SUZ12: variants seen among roughly 807,000 people sequenced by gnomAD.
SUZ12 encodes the protein polycomb protein SUZ12.
A neutral mutation model predicts 87.3 loss-of-function variants in SUZ12; 17 were observed. The observed-to-expected ratio is 0.19, with a 90% CI of 0.13 to 0.29. SUZ12 has a LOEUF of 0.29. Among genes scored for constraint, SUZ12 ranks in the 10% least tolerant of loss-of-function variants. The pLI, the probability that SUZ12 is intolerant of heterozygous loss-of-function variation, is 1.00. For synonymous variants in SUZ12, 253 were observed against 312.4 expected (o/e 0.81, Z 2.01); for missense variants, 526 against 912.2 (o/e 0.58, Z 5.45).
chr17:31,974,841 G>A (rs934904071), intron 6 of SUZ12, among the ~76,000 whole-genome samples: 1 of 152,012 alleles, frequency 6.6e-6, no homozygotes, highest in African/African-American at 2.4e-5. Flanking sequence ...GATCCTTCCA[G>A]TTTTTCTAGT....
intron 4 of SUZ12, among the ~76,000 whole-genome samples, chr17:31,958,448 C>T (rs985097404): frequency 4.6e-5 from 7 of 152,316 alleles, no homozygotes; most frequent in South Asian, 2.1e-4. Context: ...TGGTGACTCA[C>T]GCCTGTATCC....
At chr17:31,938,615 T>A (rs554736120) in intron 1 of SUZ12, among the ~76,000 whole-genome samples, 2 of 152,360 alleles carry the variant, frequency 1.3e-5, no homozygotes, top group East Asian at 3.8e-4. Flanking sequence ...TATTCACGTA[T>A]TTCTTAGTAT....
intron 3 of SUZ12, among the ~76,000 whole-genome samples, chr17:31,944,190 G>T (rs1906475931): frequency 6.6e-6 from 1 of 151,714 alleles, no homozygotes; most frequent in Non-Finnish European, 1.5e-5. Flanking sequence ...GTGCAATGGT[G>T]CAATCTTGGC....
intron 4 of SUZ12, chr17:31,965,932 T>G: frequency 2.6e-6 from 1 of 391,708 alleles, no homozygotes; most frequent in Non-Finnish European, 4.6e-6. Context: ...TTGTGAGGGG[T>G]TTTTTGTTGT....
intron 4 of SUZ12, among the ~76,000 whole-genome samples, chr17:31,949,780 C>A (rs916797209): frequency 1.4e-5 from 2 of 140,854 alleles, no homozygotes; most frequent in Non-Finnish European, 3.1e-5. Context: ...ACCTCCCGGG[C>A]TCAAGCAATT....
intron 4 of SUZ12, among the ~76,000 whole-genome samples, chr17:31,957,356 C>T (rs1292637476): frequency 6.6e-6 from 1 of 152,008 alleles, no homozygotes; most frequent in East Asian, 1.9e-4. Context: ...TCTCCTGTCT[C>T]AGCTTCCTGA....
intron 5 of SUZ12, among the ~76,000 whole-genome samples, chr17:31,969,366 C>G (rs2142167177): frequency 6.6e-6 from 1 of 152,256 alleles, no homozygotes; most frequent in East Asian, 1.9e-4. Flanking sequence ...AGGTTGGTCT[C>G]TTGAACTCCC....
intron 5 of SUZ12, among the ~76,000 whole-genome samples, chr17:31,968,228 C>A (rs1293272810): frequency 6.6e-6 from 1 of 152,024 alleles, no homozygotes; most frequent in Non-Finnish European, 1.5e-5. Flanking sequence ...CTAATATAAC[C>A]ATTTTTTAAT....
Position 31,996,825 on chromosome 17 carries a change from GA to G in SUZ12, c.1824del (p.Gly609GlufsTer5). ...TQIEEFSDVN[E>X]GEKEVMKLWN... The stretch of plus-strand genomic sequence containing the variant: ...AATTGAAGAGTTTTCTGATGTTAAT[GA>G]AGGAGAGAAAGAAGTGATGAAACTC... On this transcript the variant is annotated frameshift_variant, in exon 15 of 16. Transcript: ENST00000322652. LOFTEE classifies it high-confidence loss of function. 6.4e-7 allele frequency: 1 copy of G among 1,554,434 alleles called. No individual in the cohort carries two copies. Among genetic ancestry groups the G allele is most frequent in the Non-Finnish European group, 8.6e-7 (1 of 1,160,364 alleles).
At chr17:31,978,023 T>C (rs1326442816) in intron 8 of SUZ12, among the ~76,000 whole-genome samples, 1 of 152,184 alleles carries the variant, frequency 6.6e-6, no homozygotes, top group Non-Finnish European at 1.5e-5. Flanking sequence ...AGTGAAAATA[T>C]CACCAGTGAA....
At chr17:31,949,671 CCCCCCTTTTTTTTT>C (rs1906836003) in intron 4 of SUZ12, among the ~76,000 whole-genome samples, 1 of 76,906 alleles carries the variant, frequency 1.3e-5, no homozygotes. Context: ...CCCCCCCCCC[CCCCCCTTTTTTTTT>C]TTTTTTTTTT....
intron 1 of SUZ12, 101 bp downstream of exon 1, chr17:31,937,621 G>A: frequency 6.8e-7 from 1 of 1,461,244 alleles, no homozygotes; most frequent in Non-Finnish European, 9.2e-7. Flanking sequence ...GTCCACTTGT[G>A]TGGTAGTGGA....
In SUZ12 at chr17:31,993,359, G is replaced by C. The variant is rs1410133556; in HGVS notation, c.1293+26G>C. The C allele has an allele frequency of 7.2e-6, 10 of 1,390,656 alleles. No individual in the cohort carries two copies. The African/African-American group carries it at 7.3e-5, about 10-fold the overall frequency. The allele number at this position is 1,390,656 out of a possible 1,614,324, so 86.1% of individuals were successfully genotyped here. On this transcript the variant is annotated intron_variant, in intron 11 of 15. Transcript: ENST00000322652. ...GTAAACATAGCTGACCCTTCTTAAAGTAATTATGAAATGTATTTGTTTTTT... is the reference window on the plus strand; with the variant it reads ...GTAAACATAGCTGACCCTTCTTAAACTAATTATGAAATGTATTTGTTTTTT...
At chr17:31,996,304 C>T (rs576985) in intron 14 of SUZ12, among the ~76,000 whole-genome samples, 16,277 of 152,096 alleles carry the variant, frequency 0.11, 1,064 homozygotes, top group Middle Eastern at 0.15. Context: ...TATAGGTAAT[C>T]GTAATTTAGG....
At chr17:31,976,044 G>T (rs1328235271) in intron 7 of SUZ12, among the ~76,000 whole-genome samples, 2 of 152,022 alleles carry the variant, frequency 1.3e-5, no homozygotes, top group Admixed American at 1.3e-4. Context: ...ATAGGTGCTG[G>T]GGATGATTTA....
intron 14 of SUZ12, among the ~76,000 whole-genome samples, chr17:31,996,364 C>G (rs1386842741): frequency 6.6e-6 from 1 of 152,148 alleles, no homozygotes; most frequent in Non-Finnish European, 1.5e-5. Flanking sequence ...CCTGTAATCC[C>G]AACACTTTGG....
At chr17:31,992,148 C>T (rs1262182094) in intron 10 of SUZ12, among the ~76,000 whole-genome samples, 4 of 151,384 alleles carry the variant, frequency 2.6e-5, no homozygotes, top group Non-Finnish European at 5.9e-5. Context: ...AAAAATCAGC[C>T]GGGTGTGGTG....
chr17:31,980,011 TAGAGAGAGAGAG>T (rs55882925), intron 8 of SUZ12, among the ~76,000 whole-genome samples: 3 of 145,962 alleles, frequency 2.1e-5, no homozygotes, highest in Non-Finnish European at 4.5e-5. Flanking sequence ...TATATATGTA[TAGAGAGAGAGAG>T]AGAGAGAGAG....
intron 6 of SUZ12, among the ~76,000 whole-genome samples, chr17:31,975,254 A>G (rs1031660535): frequency 3.3e-5 from 5 of 152,076 alleles, no homozygotes; most frequent in African/African-American, 1.2e-4. Context: ...CTGTATCATA[A>G]TTTCATTATG....
Sources: allele counts gnomAD v4.1 joint callset (sites outside exome capture counted in the v4.1 genomes callset), GRCh38; gene constraint gnomAD v4.1.1; transcripts MANE v1.5; gene names NCBI Gene and HGNC (gene_info 2026-07-23, HGNC 2026-07-21).